The following CACNA1A variants were observed in gnomAD, a reference collection of about 807,000 sequenced individuals.
CACNA1A encodes the protein calcium voltage-gated channel subunit alpha1 A, also known as voltage-dependent P/Q-type calcium channel subunit alpha-1A.
A neutral mutation model predicts 262.4 loss-of-function variants in CACNA1A; 57 were observed. The observed-to-expected ratio is 0.22, with a 90% confidence interval of 0.18 to 0.27. CACNA1A has a LOEUF of 0.27. CACNA1A is among the 10% of genes least tolerant of loss of function. The pLI is 1.00. For missense variants in CACNA1A, 2,526 were observed against 3,562.8 expected (o/e 0.71, Z 7.41); for synonymous variants, 1,431 against 1,419.3 (o/e 1.01, Z -0.18).
chr19:13,273,311 C>A (rs1229007893), intron 24 of CACNA1A: 1 of 152,090 alleles, frequency 6.6e-6, no homozygotes, highest in East Asian at 1.9e-4. Context: ...CTAAAAAAAT[C>A]ATTTTTTGTG....
At chr19:13,285,952 A>ATTTT (rs74181819) in intron 20 of CACNA1A, among the ~76,000 whole-genome samples, 33 of 95,818 alleles carry the variant, frequency 3.4e-4, no homozygotes, top group African/African-American at 1.1e-3. Context: ...GCAGTTCACC[A>ATTTT]TTTTTTTTTT....
Position 13,214,135 on chromosome 19 carries a change from C to G in CACNA1A, c.5940+98G>C. 2.1e-6 allele frequency: 2 copies of G among 973,786 alleles called. No individual in the cohort carries two copies. Among genetic ancestry groups the G allele is most frequent in the Non-Finnish European group, 1.6e-6 (1 of 640,418 alleles). 60.3% of individuals were successfully genotyped at this position (973,786 alleles called of 1,614,324 possible). ...CAGCCCCTACTTTTCAGGGACCTGC[C>G]CTGGGGCTCAGCCACCCTCATATTC... On this transcript the variant is annotated intron_variant, in intron 40 of 46. Coordinates refer to ENST00000360228, the MANE Select transcript of CACNA1A (RefSeq NM_001127222.2). The surrounding 1 kb of genome is among the most constrained non-coding windows in gnomAD (Gnocchi z 4.1).
Position 13,211,922 on chromosome 19 carries a change from G to A in CACNA1A, c.6303+181C>T, listed in dbSNP as rs1227583811. The A allele has an allele frequency of 8.6e-6, 5 of 581,216 alleles. No homozygotes were observed. In the Admixed American group the frequency reaches 9.0e-5, roughly 10 times the overall value. 36.0% of individuals were successfully genotyped at this position (581,216 alleles called of 1,614,324 possible). A position where few individuals can be genotyped will look rare whatever the true frequency, so the allele number is the denominator to read the frequency against. ...CCTCTGTGAGGGAGGAGGGTCTGCA[G>A]GTGCTCCAGGTGTGACCAGGTGGTG... On this transcript the variant is annotated intron_variant, in intron 43 of 46. Coordinates refer to ENST00000360228, the MANE Select transcript of CACNA1A (RefSeq NM_001127222.2).
rs139614428 is a variant in CACNA1A, at chr19:13,418,421, T to C, written c.539+34455A>G. 1.2e-3 allele frequency among the ~76,000 whole-genome samples: 179 copies of C among 152,294 alleles called. 1 individual carries two copies. The highest frequency in any genetic ancestry group is 4.0e-3 in the African/African-American group (168 of 41,558). ...AACAGTGAACCCTCCAGAAGTTATG[T>C]TGATGTCCTAATCCCTGGAATGCTA... On this transcript the variant is annotated intron_variant, in intron 3 of 46. Transcript: ENST00000360228.
chr19:13,425,855 A>C (rs1445647738), intron 3 of CACNA1A, among the ~76,000 whole-genome samples: 3 of 152,182 alleles, frequency 2.0e-5, no homozygotes, highest in Non-Finnish European at 4.4e-5. Flanking sequence ...CAGGAGTTCA[A>C]AACCAGCCTG....
chr19:13,381,228 A>T (rs375691544), intron 3 of CACNA1A, among the ~76,000 whole-genome samples: 14 of 151,988 alleles, frequency 9.2e-5, no homozygotes, highest in African/African-American at 3.1e-4. Context: ...CTATTAAAAA[A>T]AATAATAACA....
chr19:13,223,939 G>A (rs2055336723), intron 38 of CACNA1A, among the ~76,000 whole-genome samples: 1 of 152,104 alleles, frequency 6.6e-6, no homozygotes, highest in Non-Finnish European at 1.5e-5. Context: ...ACCAAGGTGG[G>A]AGGACTGCTT....
chr19:13,267,025 G>A (rs2056878639), intron 24 of CACNA1A, among the ~76,000 whole-genome samples: 1 of 152,122 alleles, frequency 6.6e-6, no homozygotes, highest in Non-Finnish European at 1.5e-5. Context: ...GTGAGTTCTG[G>A]TCATTTGAAG....
At chr19:13,271,176 T>TA (rs1392363098) in intron 24 of CACNA1A, among the ~76,000 whole-genome samples, 2 of 142,534 alleles carry the variant, frequency 1.4e-5, no homozygotes, top group Non-Finnish European at 1.5e-5. Flanking sequence ...ACTCAGAAAT[T>TA]AAAAAAAAAG....
intron 1 of CACNA1A, among the ~76,000 whole-genome samples, chr19:13,496,056 C>G (rs999724146): frequency 6.9e-6 from 1 of 144,534 alleles, no homozygotes. Context: ...ATCCATCCAT[C>G]CATCCATCCA....
At chr19:13,394,900 C>T (rs745618505) in intron 3 of CACNA1A, among the ~76,000 whole-genome samples, 5 of 152,168 alleles carry the variant, frequency 3.3e-5, no homozygotes, top group Admixed American at 2.0e-4. Context: ...ACCTCTTTTC[C>T]CCAAAGTCAG....
intron 3 of CACNA1A, among the ~76,000 whole-genome samples, chr19:13,447,095 A>G (rs1201567675): frequency 6.6e-6 from 1 of 152,228 alleles, no homozygotes; most frequent in Non-Finnish European, 1.5e-5. Flanking sequence ...GAATTCAACA[A>G]GAAAGGAGAA....
intron 24 of CACNA1A, among the ~76,000 whole-genome samples, chr19:13,266,353 T>C (rs913492771): frequency 2.0e-5 from 3 of 152,032 alleles, no homozygotes; most frequent in Non-Finnish European, 4.4e-5. Context: ...ACTGCAGGCA[T>C]GCACCACTGC....
intron 19 of CACNA1A, among the ~76,000 whole-genome samples, chr19:13,290,917 A>G (rs1424031160): frequency 1.3e-5 from 2 of 152,166 alleles, no homozygotes; most frequent in African/African-American, 2.4e-5. Flanking sequence ...CCAAGAGCAG[A>G]TGGAAAAGGG....
intron 3 of CACNA1A, among the ~76,000 whole-genome samples, chr19:13,402,813 CATAT>C (rs1328992788): frequency 0.013 from 1,570 of 118,406 alleles, 35 homozygotes; most frequent in African/African-American, 0.048. Flanking sequence ...TATATATATA[CATAT>C]ATACACACAT....
intron 19 of CACNA1A, among the ~76,000 whole-genome samples, chr19:13,297,944 C>A (rs936411940): frequency 6.6e-6 from 1 of 152,044 alleles, no homozygotes; most frequent in Non-Finnish European, 1.5e-5. Context: ...GATTCTCCCG[C>A]CTCAGCCTCC....
chr19:13,393,820 C>G (rs916437824), intron 3 of CACNA1A, among the ~76,000 whole-genome samples: 1 of 100,064 alleles, frequency 1.0e-5, no homozygotes, highest in Non-Finnish European at 2.2e-5. Context: ...CTCTCTCTCT[C>G]TCTCTCTCTC....
chr19:13,235,347 G>A (rs1431510535), intron 32 of CACNA1A, 73 bp from the exon 33 acceptor site: 1 of 1,412,862 alleles, frequency 7.1e-7, no homozygotes, highest in African/African-American at 1.4e-5. Context: ...CCTTGTCCCA[G>A]TGCTCTGCCC....
At chr19:13,376,034 G>A (rs916861413) in intron 3 of CACNA1A, among the ~76,000 whole-genome samples, 1 of 152,206 alleles carries the variant, frequency 6.6e-6, no homozygotes, top group East Asian at 1.9e-4. Context: ...AAGACTGAGA[G>A]AGGTGGGGAA....
Sources: gnomAD v4.1 joint callset for allele counts (sites outside exome capture counted in the v4.1 genomes callset) on GRCh38, gnomAD v4.1.1 for gene constraint, Gnocchi (gnomAD v3.1) non-coding constraint, MANE v1.5 for transcripts, NCBI Gene and HGNC (gene_info 2026-07-23, HGNC 2026-07-21) for gene names.